Variants in LRRC74B observed in about 807,000 individuals in gnomAD.
The protein encoded by LRRC74B is leucine-rich repeat-containing protein 74B.
Under a neutral mutation model 16.6 loss-of-function variants are expected in LRRC74B, and 30 were observed. That is an observed-to-expected ratio of 1.80 (90% CI 1.35 to 2.45). LRRC74B has a LOEUF of 2.45. LRRC74B is among the 30% of genes most tolerant of loss of function. The probability of loss-of-function intolerance (pLI) is 0.00; values close to 1 mark genes in which losing one functional copy is unlikely to be tolerated. For synonymous variants in LRRC74B, 134 were observed against 86.0 expected (o/e 1.56, Z -3.09); for missense variants, 326 against 202.4 (o/e 1.61, Z -3.71).
At chr22:21,048,099 T>A (rs1486894197) in intron 3 of LRRC74B, 83 bp downstream of exon 3, 1 of 704,468 alleles carries the variant, frequency 1.4e-6, no homozygotes, top group Non-Finnish European at 2.6e-6. Flanking sequence ...AGCTGGGCCG[T>A]GTCACCTGGG....
exon 3 of LRRC74B, chr22:21,047,933 G>A (rs1214175168): frequency 5.6e-6 from 4 of 717,326 alleles, no homozygotes; most frequent in South Asian, 3.0e-5. Flanking sequence ...TATGTCAAGC[G>A]GCTGGACCTT....
exon 5 of LRRC74B, chr22:21,052,286 A>G (rs1930131109): frequency 1.4e-6 from 1 of 717,208 alleles, no homozygotes; most frequent in Non-Finnish European, 2.6e-6. Context: ...AAAACACAGG[A>G]CTCACCGAGC....
chr22:21,046,120 C>T, exon 1 of LRRC74B: 2 of 716,886 alleles, frequency 2.8e-6, no homozygotes, highest in Non-Finnish European at 5.2e-6. Context: ...GACCTGGAGA[C>T]GGAAGGTGCT....
intron 7 of LRRC74B, 52 bp from the exon 8 acceptor site, chr22:21,057,053 C>T (rs1264769729): frequency 1.4e-6 from 1 of 714,108 alleles, no homozygotes. Context: ...TCACATTGCT[C>T]TCTGGCCTTC....
downstream of LRRC74B, chr22:21,062,500 G>A (rs1163651008): frequency 6.6e-6 from 1 of 151,992 alleles, no homozygotes; most frequent in African/African-American, 2.4e-5. Flanking sequence ...GGATCACGAG[G>A]TCAGGAGATC....
At chr22:21,064,080 A>G (rs545405012), downstream of LRRC74B, 2 of 152,960 alleles carry the variant, frequency 1.3e-5, no homozygotes, top group South Asian at 2.1e-4. Flanking sequence ...CCCGGGGGCA[A>G]TTGTTTAAAG....
At chr22:21,060,599 G>A (rs959765777), downstream of LRRC74B, 24 of 647,832 alleles carry the variant, frequency 3.7e-5, no homozygotes, top group African/African-American at 7.3e-5. Flanking sequence ...TTTGACTCAC[G>A]AGGCCTTGTT....
chr22:21,057,233 C>A, intron 8 of LRRC74B, 33 bp downstream of exon 8: 1 of 715,226 alleles, frequency 1.4e-6, no homozygotes, highest in Non-Finnish European at 2.6e-6. Context: ...GTTTCTGATC[C>A]TCCCAGCAGC....
intron 2 of LRRC74B, 88 bp from the exon 3 acceptor site, chr22:21,047,796 G>C: frequency 1.5e-6 from 1 of 683,236 alleles, no homozygotes; most frequent in Non-Finnish European, 2.7e-6. Context: ...GGGAAGGGGA[G>C]GGCTTTCCAG....
chr22:21,054,009 A>G (rs1930278762), intron 6 of LRRC74B: 1 of 152,246 alleles, frequency 6.6e-6, no homozygotes, highest in Non-Finnish European at 1.5e-5. Context: ...TGGGTGCTCC[A>G]TGCAAGCTTT....
At chr22:21,046,070 C>CCCCGAGGCCGAGCAGGGT (rs748580360) in exon 1 of LRRC74B, 16 of 717,316 alleles carry the variant, frequency 2.2e-5, no homozygotes, top group South Asian at 2.2e-4. Flanking sequence ...TTTCAGGGGT[C>CCCCGAGGCCGAGCAGGGT]CCCGAGGCCG....
chr22:21,048,400 A>G, intron 3 of LRRC74B: 1 of 273,852 alleles, frequency 3.7e-6, no homozygotes, highest in Non-Finnish European at 7.2e-6. Context: ...GCTGGATCCA[A>G]ATGCCAGTTC....
chr22:21,055,933 C>T (rs1930489420), intron 7 of LRRC74B, among the ~76,000 whole-genome samples: 1 of 152,132 alleles, frequency 6.6e-6, no homozygotes, highest in Admixed American at 6.5e-5. Context: ...GGGCCACCTC[C>T]TGGTGGGGGG....
chr22:21,053,564 G>T (rs370819738), intron 6 of LRRC74B, 89 bp downstream of exon 6: 15 of 653,090 alleles, frequency 2.3e-5, no homozygotes, highest in Middle Eastern at 4.1e-4. Flanking sequence ...GGGGATTCCC[G>T]TGATGGGGCT....
chr22:21,057,132 G>A (rs1930581753), exon 8 of LRRC74B: 1 of 717,458 alleles, frequency 1.4e-6, no homozygotes. Flanking sequence ...GCGAAGTGAA[G>A]GCTGCTTTGG....
At chr22:21,048,067 G>T in intron 3 of LRRC74B, 51 bp downstream of exon 3, 1 of 714,592 alleles carries the variant, frequency 1.4e-6, no homozygotes. Flanking sequence ...CTTTTCCTCA[G>T]GGATGTGCCT....
chr22:21,055,209 A>G (rs1392925033), intron 7 of LRRC74B, 33 bp downstream of exon 7: 1 of 710,150 alleles, frequency 1.4e-6, no homozygotes, highest in Admixed American at 2.0e-5. Flanking sequence ...AGACACCAGC[A>G]CAGACCTGCC....
At chr22:21,049,387 C>T (rs1929791125) in intron 4 of LRRC74B, 2 of 535,450 alleles carry the variant, frequency 3.7e-6, no homozygotes, top group Admixed American at 3.5e-5. Context: ...CTGACTTAGC[C>T]ACCAGGGATC....
chr22:21,050,858 T>G (rs1601811750), intron 4 of LRRC74B, among the ~76,000 whole-genome samples: 1 of 149,746 alleles, frequency 6.7e-6, no homozygotes, highest in Admixed American at 6.7e-5. Flanking sequence ...TTCGGGAGGC[T>G]GAGGGGCGAA....
Sources: allele counts gnomAD v4.1 joint callset (sites outside exome capture counted in the v4.1 genomes callset), GRCh38; gene constraint gnomAD v4.1.1; transcripts MANE v1.5; gene names NCBI Gene and HGNC (gene_info 2026-07-23, HGNC 2026-07-21).